The following IL12RB2 variants were observed in gnomAD, a reference collection of about 807,000 sequenced individuals.
IL12RB2 encodes the protein interleukin 12 receptor subunit beta 2, also known as interleukin-12 receptor subunit beta-2.
Under a neutral mutation model 89.4 loss-of-function variants are expected in IL12RB2, and 82 were observed. That is an observed-to-expected ratio of 0.92 (90% CI 0.77 to 1.10). The LOEUF (loss-of-function observed/expected upper bound fraction) is 1.10, where lower values mean the gene tolerates loss of function less well. Among genes scored for constraint, IL12RB2 ranks in the 50% least tolerant of loss-of-function variants. The pLI is 0.00. For synonymous variants in IL12RB2, 368 were observed against 370.1 expected, an observed-to-expected ratio of 0.99 and a Z score of 0.07; for missense variants, 963 against 1,031.9, an observed-to-expected ratio of 0.93 and a Z score of 0.92.
In IL12RB2 at chr1:67,395,860, C is replaced by A; in HGVS notation, c.2360C>A (p.Thr787Lys). 1 of 1,609,320 alleles carries A rather than the reference C, an allele frequency of 6.2e-7. No homozygotes were observed. The highest frequency in any genetic ancestry group is 8.5e-7 in the Non-Finnish European group (1 of 1,176,286). The change falls in exon 17 of 17, where the codon ACG (threonine) becomes AAG (lysine). Residue 787 changes from threonine (T) to lysine (K), a missense_variant. By Grantham distance (78) the Thr-to-Lys change is moderately conservative. Transcript: ENST00000674203. ...PKPENPACPW[T>K]VLPAGDLPTH... ...CCCGAAAACCCAGCCTGTCCCTGGACGGTGCTCCCAGCAGGTGACCTTCCC... is the reference window on the plus strand; with the variant it reads ...CCCGAAAACCCAGCCTGTCCCTGGAAGGTGCTCCCAGCAGGTGACCTTCCC...
At chr1:67,329,522 A>G (rs1657771667) in intron 6 of IL12RB2, 65 bp from the exon 7 acceptor site, 2 of 929,174 alleles carry the variant, frequency 2.2e-6, no homozygotes, top group Admixed American at 1.7e-5. Flanking sequence ...AGCTCATGCC[A>G]GTACATAAGA....
At chr1:67,382,579 T>C (rs905215246) in intron 14 of IL12RB2, among the ~76,000 whole-genome samples, 2 of 152,188 alleles carry the variant, frequency 1.3e-5, no homozygotes, top group African/African-American at 4.8e-5. Context: ...AAGACCAGAC[T>C]TTCTGCAGTC....
chr1:67,309,679 A>G (rs961806436), intron 1 of IL12RB2, among the ~76,000 whole-genome samples: 1 of 152,202 alleles, frequency 6.6e-6, no homozygotes, highest in Non-Finnish European at 1.5e-5. Flanking sequence ...CTGTATTAGA[A>G]TGAGTTTTAG....
At chr1:67,338,020 A>G (rs186116091) in intron 8 of IL12RB2, among the ~76,000 whole-genome samples, 2 of 152,068 alleles carry the variant, frequency 1.3e-5, no homozygotes, top group African/African-American at 4.8e-5. Context: ...TTATTTTAAT[A>G]ACACATGTTT....
intron 16 of IL12RB2, among the ~76,000 whole-genome samples, chr1:67,392,816 G>A (rs906793618): frequency 1.3e-5 from 2 of 151,856 alleles, no homozygotes; most frequent in African/African-American, 4.8e-5. Context: ...TATTTTTTTA[G>A]TAGAGATGGG....
At chr1:67,333,745 T>C (rs1658401602) in intron 8 of IL12RB2, among the ~76,000 whole-genome samples, 1 of 152,138 alleles carries the variant, frequency 6.6e-6, no homozygotes, top group Non-Finnish European at 1.5e-5. Context: ...ACATTTTCCT[T>C]GTAGTGGGAA....
intron 8 of IL12RB2, among the ~76,000 whole-genome samples, chr1:67,336,030 G>A: frequency 6.6e-6 from 1 of 152,206 alleles, no homozygotes; most frequent in South Asian, 2.1e-4. Flanking sequence ...GTAATTAACT[G>A]AAGACATGTA....
intron 1 of IL12RB2, among the ~76,000 whole-genome samples, chr1:67,312,425 C>G (rs533412905): frequency 6.6e-6 from 1 of 152,082 alleles, no homozygotes; most frequent in Non-Finnish European, 1.5e-5. Flanking sequence ...TTCTTTCTTT[C>G]TTTTTACTGT....
At position 67,338,645 on chromosome 1, in the gene IL12RB2, T is replaced by G; in HGVS notation, c.980T>G (p.Val327Gly). The change falls in exon 9 of 17, where the codon GTC becomes GGC. Residue 327 changes from valine (V) to glycine (G), a missense_variant. Coordinates refer to ENST00000674203, the MANE Select transcript of IL12RB2 (RefSeq NM_001374259.2). ...ACAGAGCCTACTGGGATGTTAGATG[T>G]CTGGTACATGAAACGGCACATTGAC... ...PEEEPTGMLDVWYMKRHIDYS... is the reference protein window; with the variant it reads ...PEEEPTGMLDGWYMKRHIDYS... The G allele has an allele frequency of 6.5e-7, 1 of 1,532,952 alleles. No individual in the cohort carries two copies. The highest frequency in any genetic ancestry group is 9.0e-7 in the Non-Finnish European group (1 of 1,105,732). The allele number at this position is 1,532,952 out of a possible 1,614,324, so 95.0% of individuals were successfully genotyped here.
intron 7 of IL12RB2, among the ~76,000 whole-genome samples, chr1:67,330,266 G>GTT (rs10661069): frequency 5.0e-4 from 28 of 55,716 alleles, no homozygotes; most frequent in African/African-American, 1.3e-3. Context: ...TAATTAAAGG[G>GTT]TTTTTTTAAA....
At chr1:67,370,649 G>A (rs1663206235) in intron 11 of IL12RB2, among the ~76,000 whole-genome samples, 1 of 152,176 alleles carries the variant, frequency 6.6e-6, no homozygotes, top group South Asian at 2.1e-4. Flanking sequence ...GGAAATTGCG[G>A]CCAGACTCTA....
At chr1:67,362,442 T>C (rs1288463107) in intron 10 of IL12RB2, among the ~76,000 whole-genome samples, 2 of 149,142 alleles carry the variant, frequency 1.3e-5, no homozygotes, top group East Asian at 3.9e-4. Context: ...GGCGGGCGCC[T>C]GTAGTCCCAG....
rs1466132289 is a variant in IL12RB2 at position 67,320,601 on chromosome 1, T to A, written c.76+157T>A. ...TAAGTCTGGTTCTGTCTATAACTAA[T>A]AGTTATTTTATTTAATTTGCACTAA... On this transcript the variant is annotated intron_variant, in intron 3 of 16. Coordinates refer to ENST00000674203, the MANE Select transcript of IL12RB2 (RefSeq NM_001374259.2). Among the ~76,000 whole-genome samples the A allele has an allele frequency of 3.9e-5, 6 of 152,206 alleles. No individual in the cohort carries two copies. The South Asian group carries it at 1.0e-3, about 26-fold the overall frequency.
chr1:67,330,786 T>C lies in IL12RB2; in HGVS notation c.934T>C (p.Leu312=), dbSNP rs1569832582. 1 of 1,578,412 alleles carries C rather than the reference T, an allele frequency of 6.3e-7. No homozygotes were observed. Among genetic ancestry groups the C allele is most frequent in the Non-Finnish European group, 8.7e-7 (1 of 1,147,642 alleles). The change falls in exon 8 of 17, where the codon TTG becomes CTG. Residue 312 remains leucine, a synonymous_variant. Coordinates refer to ENST00000674203, the MANE Select transcript of IL12RB2 (RefSeq NM_001374259.2). ...AAGTTGGAGTGATTGGAGTGAATCATTGAGAGCACAAACACCAGAAGAAGG... is the reference window on the plus strand; with the variant it reads ...AAGTTGGAGTGATTGGAGTGAATCACTGAGAGCACAAACACCAGAAGAAGG... The part of the protein sequence containing the change: ...KGSWSDWSES[L]RAQTPEEEPT...
At chr1:67,394,021 C>T (rs1666104970) in intron 16 of IL12RB2, among the ~76,000 whole-genome samples, 1 of 152,112 alleles carries the variant, frequency 6.6e-6, no homozygotes, top group African/African-American at 2.4e-5. Context: ...GGAACAGTCA[C>T]CAGGGGCCTC....
At chr1:67,392,198 TA>T (rs2100314594) in intron 16 of IL12RB2, among the ~76,000 whole-genome samples, 1 of 152,290 alleles carries the variant, frequency 6.6e-6, no homozygotes, top group African/African-American at 2.4e-5. Context: ...TAGAAATTGG[TA>T]TACATATGCC....
chr1:67,384,592 C>A (rs556467382), intron 14 of IL12RB2, among the ~76,000 whole-genome samples: 34 of 152,342 alleles, frequency 2.2e-4, no homozygotes, highest in African/African-American at 7.9e-4. Context: ...GCCAGCTTGA[C>A]TTTCTCCCCA....
chr1:67,313,244 C>T (rs1479154365), intron 1 of IL12RB2, among the ~76,000 whole-genome samples: 3 of 139,412 alleles, frequency 2.2e-5, no homozygotes, highest in Admixed American at 7.0e-5. Flanking sequence ...ATTGTATGTG[C>T]GCTGAGTTTT....
chr1:67,392,079 G>A (rs1186883239), intron 16 of IL12RB2, among the ~76,000 whole-genome samples: 10 of 152,152 alleles, frequency 6.6e-5, no homozygotes. Context: ...GCCTATCATT[G>A]CACTACACAT....
Sources: allele counts gnomAD v4.1 joint callset (sites outside exome capture counted in the v4.1 genomes callset), GRCh38; gene constraint gnomAD v4.1.1; transcripts MANE v1.5; gene names NCBI Gene and HGNC (gene_info 2026-07-23, HGNC 2026-07-21).